The following RPS10 variants were observed in gnomAD, a reference collection of about 807,000 sequenced individuals.
The protein encoded by RPS10 is small ribosomal subunit protein eS10.
RPS10 carries 2 observed loss-of-function variants against 22.6 expected under a neutral mutation model. The observed-to-expected ratio is 0.09, with a 90% CI of 0.04 to 0.28. The LOEUF is 0.28. Among genes scored for constraint, RPS10 ranks in the 10% least tolerant of loss-of-function variants. RPS10 has a pLI of 1.00. For synonymous variants in RPS10, 70 were observed against 75.9 expected (o/e 0.92, Z 0.40); for missense variants, 137 against 222.2 (o/e 0.62, Z 2.44).
chr6:34,424,436 T>C, intron 3 of RPS10: 1 of 550,564 alleles, frequency 1.8e-6, no homozygotes, highest in South Asian at 2.0e-5. Flanking sequence ...TTTGTACAGG[T>C]GTGGGTGAAG....
At chr6:34,418,575 C>T in intron 4 of RPS10, 151 bp from the exon 5 acceptor site, 4 of 1,240,520 alleles carry the variant, frequency 3.2e-6, no homozygotes, top group South Asian at 1.3e-5. Flanking sequence ...GGAATACCTT[C>T]TGAGCCACCT....
At chr6:34,426,011 T>G (rs1444326181) in intron 1 of RPS10, 21 bp downstream of exon 1, 1 of 152,492 alleles carries the variant, frequency 6.6e-6, no homozygotes, top group Non-Finnish European at 1.5e-5. Flanking sequence ...CCGATGGAAC[T>G]CGAACGCCAC....
intron 4 of RPS10, 151 bp downstream of exon 4, chr6:34,421,579 C>T (rs574339240): frequency 4.6e-5 from 38 of 823,848 alleles, no homozygotes; most frequent in Non-Finnish European, 7.5e-5. Context: ...CAAAGGACTC[C>T]AGCTGTTCTG....
chr6:34,424,524 A>T lies in RPS10; in HGVS notation c.322+145T>A, dbSNP rs1417464657. The T allele has an allele frequency of 7.2e-6, 8 of 1,116,998 alleles. No individual in the cohort carries two copies. In the East Asian group the frequency reaches 1.8e-4, roughly 25 times the overall value. The allele number at this position is 1,116,998 out of a possible 1,614,324, so 69.2% of individuals were successfully genotyped here. On this transcript the variant is annotated intron_variant, in intron 3 of 5. Transcript: ENST00000648437. ...TGAGTCTAGTTCTATTCCAAGTCCCAAGCCATGGGACAAAGGTTCTAGCAC... is the reference window on the plus strand; with the variant it reads ...TGAGTCTAGTTCTATTCCAAGTCCCTAGCCATGGGACAAAGGTTCTAGCAC...
At chr6:34,420,261 G>A (rs1348704895) in intron 4 of RPS10, among the ~76,000 whole-genome samples, 5 of 152,076 alleles carry the variant, frequency 3.3e-5, no homozygotes, top group Admixed American at 2.6e-4. Context: ...TGTTGCCCAG[G>A]GTGGAGTGCA....
intron 3 of RPS10, among the ~76,000 whole-genome samples, chr6:34,423,904 A>G (rs1043270201): frequency 6.6e-6 from 1 of 152,066 alleles, no homozygotes; most frequent in African/African-American, 2.4e-5. Flanking sequence ...CCTAATCACC[A>G]GAATCCCTTG....
intron 1 of RPS10, chr6:34,425,814 T>G (rs4713778): frequency 1 from 158,783 of 159,050 alleles, 79,258 homozygotes; most frequent in Middle Eastern, 1. Flanking sequence ...TCTCCGCCAC[T>G]CACTGGCTTC....
intron 4 of RPS10, among the ~76,000 whole-genome samples, chr6:34,419,068 G>C (rs762351196): frequency 1.3e-5 from 2 of 152,102 alleles, no homozygotes; most frequent in African/African-American, 4.8e-5. Context: ...GCCCAGGCTA[G>C]AGTGCAATGG....
chr6:34,424,505 T>C, intron 3 of RPS10, 164 bp downstream of exon 3: 1 of 868,288 alleles, frequency 1.2e-6, no homozygotes, highest in Non-Finnish European at 1.8e-6. Context: ...GAACTGAGTC[T>C]AGTTCTATTC....
chr6:34,425,705 T>C (rs1397207062), intron 1 of RPS10: 1 of 177,340 alleles, frequency 5.6e-6, no homozygotes, highest in Non-Finnish European at 1.2e-5. Flanking sequence ...TCCCCCAAAC[T>C]AGAGCTCCAG....
At chr6:34,423,031 G>A (rs1211941960) in intron 3 of RPS10, among the ~76,000 whole-genome samples, 1 of 152,056 alleles carries the variant, frequency 6.6e-6, no homozygotes, top group Admixed American at 6.6e-5. Flanking sequence ...AGTAAATTGG[G>A]ATCGTGACAC....
Position 34,425,499 on chromosome 6 carries a change from G to A in RPS10, c.1-278C>T, listed in dbSNP as rs73744899. On this transcript the variant is annotated intron_variant, in intron 1 of 5. Coordinates refer to ENST00000648437, the MANE Select transcript of RPS10 (RefSeq NM_001014.5). ...TCTCATCAATTACAAAGGTCAATGG[G>A]GGGGAGAGGAGCAAACCCTGTATTA... 2,974 of 414,306 alleles carry A rather than the reference G, an allele frequency of 7.2e-3. 77 individuals are homozygous for A. The highest frequency in any genetic ancestry group is 0.056 in the African/African-American group (2,727 of 48,970). 25.7% of individuals were successfully genotyped at this position (414,306 alleles called of 1,614,324 possible). A position where few individuals can be genotyped will look rare whatever the true frequency, so the allele number is the denominator to read the frequency against.
rs548914871 is a variant in RPS10 at position 34,418,627 on chromosome 6, C to T, written c.401-203G>A. Among the ~76,000 whole-genome samples, 8 of 152,240 alleles carry T rather than the reference C, an allele frequency of 5.3e-5. No homozygotes were observed. The South Asian group carries it at 1.7e-3, about 32-fold the overall frequency. ...ACCCTTCTCAGCCTTCCTTATGTCA[C>T]CCTTCAATACTCACAGCCCAAACTA... On this transcript the variant is annotated intron_variant, in intron 4 of 5. Transcript: ENST00000648437.
chr6:34,421,171 A>G (rs998192298), intron 4 of RPS10, among the ~76,000 whole-genome samples: 5 of 146,812 alleles, frequency 3.4e-5, no homozygotes, highest in African/African-American at 1.3e-4. Context: ...TACTGAAACC[A>G]TATTTGTTAT....
chr6:34,422,510 TC>T (rs1434775689), intron 3 of RPS10, among the ~76,000 whole-genome samples: 1 of 152,012 alleles, frequency 6.6e-6, no homozygotes, highest in African/African-American at 2.4e-5. Context: ...AAAGGGGGTT[TC>T]AACCTGTTGG....
intron 5 of RPS10, chr6:34,417,769 C>A: frequency 1.4e-6 from 1 of 717,206 alleles, no homozygotes; most frequent in Non-Finnish European, 2.6e-6. Flanking sequence ...GGGAGTATGG[C>A]CACCCACCCA....
intron 4 of RPS10, among the ~76,000 whole-genome samples, chr6:34,418,634 A>G (rs1350166270): frequency 2.6e-5 from 4 of 152,082 alleles, no homozygotes; most frequent in African/African-American, 9.7e-5. Flanking sequence ...TCACCCTTCA[A>G]TACTCACAGC....
rs1765907373 is a variant in RPS10, at chr6:34,425,036, G to A, written c.150+36C>T. 2.5e-6 allele frequency: 4 copies of A among 1,611,590 alleles called. No homozygotes were observed. The East Asian group carries it at 8.9e-5, about 36-fold the overall frequency. On this transcript the variant is annotated intron_variant, in intron 2 of 5. Transcript: ENST00000648437. Reference sequence around the variant, plus strand: ...CCATCCCGGGATGGGATCCCGGGGAGGAAGATCCATCCCATCTTCCTCCTC... The same window carrying A: ...CCATCCCGGGATGGGATCCCGGGGAAGAAGATCCATCCCATCTTCCTCCTC...
At chr6:34,420,406 T>C (rs1216500784) in intron 4 of RPS10, among the ~76,000 whole-genome samples, 1 of 151,834 alleles carries the variant, frequency 6.6e-6, no homozygotes, top group African/African-American at 2.4e-5. Context: ...AAAGTAGAGA[T>C]GGGGTTTTAC....
Sources: allele counts gnomAD v4.1 joint callset (sites outside exome capture counted in the v4.1 genomes callset), GRCh38; gene constraint gnomAD v4.1.1; transcripts MANE v1.5; gene names NCBI Gene and HGNC (gene_info 2026-07-23, HGNC 2026-07-21).